ICE1: variants seen among roughly 807,000 people sequenced by gnomAD.
ICE1 encodes interactor of little elongation complex ELL subunit 1.
Under a neutral mutation model 192.7 loss-of-function variants are expected in ICE1, and 64 were observed. The observed-to-expected ratio is 0.33, with a 90% CI of 0.27 to 0.41. The LOEUF (loss-of-function observed/expected upper bound fraction) is 0.41. Ranked by LOEUF, ICE1 falls within the 10% of genes least tolerant of loss-of-function variation. The pLI is 1.00. For synonymous variants in ICE1, 1,010 were observed against 984.5 expected, an observed-to-expected ratio of 1.03 and a Z score of -0.49; for missense variants, 2,708 against 2,696.0, an observed-to-expected ratio of 1.00 and a Z score of -0.10.
At chr5:5,428,562 T>C (rs755927699) in intron 1 of ICE1, among the ~76,000 whole-genome samples, 7 of 152,242 alleles carry the variant, frequency 4.6e-5, no homozygotes, top group Admixed American at 6.5e-5. Context: ...TAACATGTTA[T>C]TGCATTTGCT....
intron 5 of ICE1, among the ~76,000 whole-genome samples, chr5:5,442,230 C>G (rs1738072226): frequency 6.6e-6 from 1 of 152,206 alleles, no homozygotes; most frequent in Non-Finnish European, 1.5e-5. Flanking sequence ...AGCCAAGTAG[C>G]AGCCACCTGG....
At chr5:5,459,829 G>A (rs1445765311) in intron 12 of ICE1, among the ~76,000 whole-genome samples, 1 of 152,166 alleles carries the variant, frequency 6.6e-6, no homozygotes. Context: ...GGGGGTCAGG[G>A]AAAGGTTCTG....
intron 10 of ICE1, among the ~76,000 whole-genome samples, chr5:5,453,040 C>G (rs1738471189): frequency 6.6e-6 from 1 of 152,020 alleles, no homozygotes; most frequent in South Asian, 2.1e-4. Flanking sequence ...GTAATGAATG[C>G]TCAGTTACAA....
At chr5:5,444,359 G>T (rs776352342) in intron 7 of ICE1, 33 bp downstream of exon 7, 1 of 1,520,172 alleles carries the variant, frequency 6.6e-7, no homozygotes. Context: ...GAAGTTTTCG[G>T]TCAGTACAAA....
In ICE1 at chr5:5,463,052, G is replaced by T; in HGVS notation, c.3718G>T (p.Glu1240Ter). 4 of 1,613,828 alleles carry T rather than the reference G, an allele frequency of 2.5e-6. No individual in the cohort carries two copies. The highest frequency in any genetic ancestry group is 3.4e-6 in the Non-Finnish European group (4 of 1,179,832). The change falls in exon 13 of 19, where the codon GAA (glutamate) becomes TAA (stop). Residue 1240 changes from glutamate to a stop codon, truncating the protein, a stop_gained. Transcript: ENST00000296564. LOFTEE classifies it high-confidence loss of function. ...GTCEEWIESE[E>*]DDYSLKNTSQ... ...CTGTGAAGAGTGGATTGAATCAGAG[G>T]AAGATGATTATTCGTTAAAAAATAC... is the stretch of plus-strand genomic sequence containing the variant.
intron 17 of ICE1, among the ~76,000 whole-genome samples, chr5:5,484,014 C>G (rs1162787396): frequency 1.3e-5 from 2 of 152,202 alleles, no homozygotes; most frequent in Admixed American, 6.5e-5. Flanking sequence ...CTCAGCTCTG[C>G]TGGGGCTCCC....
rs142353617 is a variant in ICE1 at position 5,441,287 on chromosome 5, A to C, written c.309+64A>C. 6.7e-6 allele frequency: 7 copies of C among 1,042,682 alleles called. No homozygotes were observed. The East Asian group carries it at 1.8e-4, about 27-fold the overall frequency. The allele number at this position is 1,042,682 out of a possible 1,614,324, so 64.6% of individuals were successfully genotyped here. On this transcript the variant is annotated intron_variant, in intron 5 of 18. Coordinates refer to ENST00000296564, the MANE Select transcript of ICE1 (RefSeq NM_015325.3). ...AAATTAGGATGAGCTTATTCGGTAT[A>C]ATTGGGACGAGGGGGCTTTTGATGT... is the stretch of plus-strand genomic sequence containing the variant.
intron 7 of ICE1, among the ~76,000 whole-genome samples, chr5:5,446,715 G>A (rs775738859): frequency 1.9e-4 from 29 of 152,148 alleles, no homozygotes; most frequent in Middle Eastern, 3.4e-3. Context: ...AAAATTTATC[G>A]GTGTGACTTA....
At chr5:5,484,867 A>G (rs1739597198) in intron 17 of ICE1, among the ~76,000 whole-genome samples, 3 of 152,328 alleles carry the variant, frequency 2.0e-5, no homozygotes, top group Admixed American at 1.3e-4. Context: ...TGAGCATACA[A>G]TATGATACTG....
chr5:5,440,681 C>T (rs1323627971), intron 4 of ICE1, among the ~76,000 whole-genome samples: 2 of 151,974 alleles, frequency 1.3e-5, no homozygotes, highest in East Asian at 1.9e-4. Context: ...AATTAGCCAG[C>T]TGTGGTGGCA....
intron 1 of ICE1, among the ~76,000 whole-genome samples, chr5:5,434,934 T>C (rs1028302660): frequency 3.3e-5 from 5 of 152,232 alleles, no homozygotes; most frequent in South Asian, 2.1e-4. Context: ...CTATTCCAAA[T>C]TCTTAATCTG....
intron 4 of ICE1, among the ~76,000 whole-genome samples, chr5:5,440,353 C>T (rs1480406325): frequency 1.3e-5 from 2 of 152,208 alleles, no homozygotes; most frequent in East Asian, 3.9e-4. Context: ...TGGTTATAAA[C>T]TAAGCCATAA....
intron 17 of ICE1, among the ~76,000 whole-genome samples, chr5:5,484,494 A>G (rs780894511): frequency 3.3e-5 from 5 of 152,192 alleles, no homozygotes; most frequent in Admixed American, 2.0e-4. Flanking sequence ...CTGATTGCAA[A>G]GAGATATTTG....
chr5:5,445,971 A>G (rs1738210717), intron 7 of ICE1, among the ~76,000 whole-genome samples: 1 of 151,798 alleles, frequency 6.6e-6, no homozygotes, highest in African/African-American at 2.4e-5. Flanking sequence ...CGCCTGCCTC[A>G]GCCTCCCAAA....
intron 17 of ICE1, among the ~76,000 whole-genome samples, chr5:5,476,663 TCTC>T (rs1384467631): frequency 6.6e-6 from 1 of 151,990 alleles, no homozygotes; most frequent in Non-Finnish European, 1.5e-5. Context: ...AATGACCAAA[TCTC>T]CTGTGAACTC....
At chr5:5,447,266 C>T (rs557092923) in intron 7 of ICE1, among the ~76,000 whole-genome samples, 161 bp from the exon 8 acceptor site, 6 of 152,010 alleles carry the variant, frequency 3.9e-5, no homozygotes, top group African/African-American at 7.2e-5. Context: ...TCAGCCCTGA[C>T]GATAAAATAT....
chr5:5,437,120 CT>C lies in ICE1; in HGVS notation c.178+10del. 6.5e-7 allele frequency: 1 copy of C among 1,528,164 alleles called. No homozygotes were observed. The allele number at this position is 1,528,164 out of a possible 1,614,324, so 94.7% of individuals were successfully genotyped here. Reference sequence around the variant, plus strand: ...ATATCAGAAGAAATGTGATGATATCCTTTTACTGGCTTTTTCTGTTGAGTTT... The same window carrying C: ...ATATCAGAAGAAATGTGATGATATCCTTTACTGGCTTTTTCTGTTGAGTTT... On this transcript the variant is annotated splice_region_variant and intron_variant, in intron 3 of 18. Coordinates refer to ENST00000296564, the MANE Select transcript of ICE1 (RefSeq NM_015325.3).
At position 5,462,608 on chromosome 5, in the gene ICE1, G is replaced by T; in HGVS notation, c.3274G>T (p.Gly1092Cys). The part of the protein sequence containing the change: ...TQDTSQSSLP[G>C]TLHCYTGIRE... ...GGATACCTCCCAAAGTAGCCTGCCT[G>T]GTACCTTACATTGTTACACAGGCAT... Residue 1092 changes from glycine to cysteine, a missense_variant, in exon 13 of 19, where the codon GGT becomes TGT. Gly to Cys is a radical substitution (Grantham distance 159). Around this residue, in one of 2 missense-constraint regions of ICE1, gnomAD observed 2,366 missense variants for 2,276.6 expected, o/e 1.04. Coordinates refer to ENST00000296564, the MANE Select transcript of ICE1 (RefSeq NM_015325.3). The T allele has an allele frequency of 1.9e-6, 3 of 1,613,908 alleles. No homozygotes were observed. The highest frequency in any genetic ancestry group is 2.5e-6 in the Non-Finnish European group (3 of 1,179,866).
chr5:5,466,248 T>G (rs1240394081), intron 13 of ICE1, 86 bp from the exon 14 acceptor site: 1 of 1,248,202 alleles, frequency 8.0e-7, no homozygotes, highest in African/African-American at 1.5e-5. Flanking sequence ...AATAGATACT[T>G]AAGTTTTGTA....
Sources: allele counts gnomAD v4.1 joint callset (sites outside exome capture counted in the v4.1 genomes callset), GRCh38; gene constraint gnomAD v4.1.1; regional missense constraint gnomAD v4.1.1; transcripts MANE v1.5; gene names NCBI Gene and HGNC (gene_info 2026-07-23, HGNC 2026-07-21).